ITGA2: variants seen among roughly 807,000 people sequenced by gnomAD.
The protein encoded by ITGA2 is integrin alpha-2.
A neutral mutation model predicts 146.3 loss-of-function variants in ITGA2; 101 were observed. That is an observed-to-expected ratio of 0.69 (90% CI 0.59 to 0.81). ITGA2 has a LOEUF of 0.81. ITGA2 is among the 40% of genes least tolerant of loss of function. The pLI is 0.00. For synonymous variants in ITGA2, 477 were observed against 487.1 expected, an observed-to-expected ratio of 0.98 and a Z score of 0.27; for missense variants, 1,281 against 1,402.7, an observed-to-expected ratio of 0.91 and a Z score of 1.39.
intron 1 of ITGA2, among the ~76,000 whole-genome samples, chr5:52,996,214 A>G (rs1741241828): frequency 6.6e-6 from 1 of 152,162 alleles, no homozygotes; most frequent in Non-Finnish European, 1.5e-5. Flanking sequence ...AAATTATTAT[A>G]AGGAGATTTT....
In ITGA2 at chr5:53,033,833, G is replaced by T. The variant is rs920344152; in HGVS notation, c.185+6965G>T. Among the ~76,000 whole-genome samples the T allele has an allele frequency of 8.6e-5, 13 of 150,538 alleles. 1 individual carries two copies. Among genetic ancestry groups the T allele is most frequent in the Non-Finnish European group, 1.6e-4 (11 of 67,800 alleles). ...GGATGGAGTGCAGTAGGGCAATCTC[G>T]GCTCACTGCAAGCTCCGCCTCCTGG... On this transcript the variant is annotated intron_variant, in intron 2 of 29. Transcript: ENST00000296585.
rs369305802 is a variant in ITGA2, at chr5:52,989,445, T to C, written c.-24T>C. The C allele has an allele frequency of 2.5e-6, 4 of 1,613,604 alleles. No individual in the cohort carries two copies. In the African/African-American group the frequency reaches 5.3e-5, roughly 22 times the overall value. On this transcript the variant is annotated 5_prime_UTR_variant, in exon 1 of 30. Transcript: ENST00000296585. ...CAAACCTCTGCAAACCCAGCGCAACTACGGTCCCCCGGTCAGACCCAGGAT... is the reference window on the plus strand; with the variant it reads ...CAAACCTCTGCAAACCCAGCGCAACCACGGTCCCCCGGTCAGACCCAGGAT...
At chr5:53,085,592 A>G (rs1323231282) in intron 27 of ITGA2, among the ~76,000 whole-genome samples, 1 of 152,214 alleles carries the variant, frequency 6.6e-6, no homozygotes, top group East Asian at 1.9e-4. Flanking sequence ...GAGACTGGTG[A>G]GCATGGTTAA....
At chr5:53,064,309 C>T (rs920629872) in intron 13 of ITGA2, among the ~76,000 whole-genome samples, 53 of 151,844 alleles carry the variant, frequency 3.5e-4, no homozygotes, top group African/African-American at 1.2e-3. Flanking sequence ...AGATGAAGAT[C>T]GTATTATTGA....
Position 53,034,962 on chromosome 5 carries a change from C to A in ITGA2, c.186-7150C>A, listed in dbSNP as rs10063405. The stretch of plus-strand genomic sequence containing the variant: ...ATATAGGTTTTGCTTTCACTTAGAC[C>A]CTTGAAGTCAGTTTCTTTAAATGAA... On this transcript the variant is annotated intron_variant, in intron 2 of 29. Coordinates refer to ENST00000296585, the MANE Select transcript of ITGA2 (RefSeq NM_002203.4). Among the ~76,000 whole-genome samples, 1,279 of 152,156 alleles carry A rather than the reference C, an allele frequency of 8.4e-3. 24 individuals are homozygous for A. Among genetic ancestry groups the A allele is most frequent in the African/African-American group, 0.029 (1,218 of 41,510 alleles).
chr5:53,072,249 T>C (rs1299739745), intron 18 of ITGA2, among the ~76,000 whole-genome samples: 2 of 151,950 alleles, frequency 1.3e-5, no homozygotes, highest in Admixed American at 1.3e-4. Context: ...ACTGCTGTGT[T>C]TCCACTCCCT....
intron 20 of ITGA2, 76 bp from the exon 21 acceptor site, chr5:53,074,309 C>A (rs1745548383): frequency 2.6e-6 from 3 of 1,146,930 alleles, no homozygotes; most frequent in Admixed American, 3.5e-5. Context: ...CACTGTACCT[C>A]TTTTACCAGG....
At chr5:53,069,154 CAAAT>C (rs1292669816) in intron 16 of ITGA2, among the ~76,000 whole-genome samples, 2 of 151,738 alleles carry the variant, frequency 1.3e-5, no homozygotes, top group Non-Finnish European at 2.9e-5. Context: ...AGAATAACCC[CAAAT>C]AAGGCAATAA....
intron 9 of ITGA2, 35 bp downstream of exon 9, chr5:53,056,184 CA>C: frequency 6.3e-7 from 1 of 1,576,014 alleles, no homozygotes; most frequent in Non-Finnish European, 8.7e-7. Context: ...GAATTTTCTT[CA>C]AAATGTTTAA....
At chr5:53,070,344 G>A in intron 17 of ITGA2, 84 bp downstream of exon 17, 1 of 1,353,450 alleles carries the variant, frequency 7.4e-7, no homozygotes, top group Non-Finnish European at 1.1e-6. Flanking sequence ...AAGCTTATGA[G>A]TTAGAAAATG....
Position 53,081,640 on chromosome 5 carries a change from C to T in ITGA2, c.3088C>T (p.Gln1030Ter), listed in dbSNP as rs765089778. 2 of 1,613,232 alleles carry T rather than the reference C, an allele frequency of 1.2e-6. No individual in the cohort carries two copies. Among genetic ancestry groups the T allele is most frequent in the Non-Finnish European group, 1.7e-6 (2 of 1,179,640 alleles). Residue 1030 changes from glutamine to a stop codon, truncating the protein, a stop_gained, in exon 26 of 30, where the codon CAA (glutamine) becomes TAA (stop). Coordinates refer to ENST00000296585, the MANE Select transcript of ITGA2 (RefSeq NM_002203.4). LOFTEE classifies it high-confidence loss of function. Reference protein sequence around the residue: ...NADINPLKIGQTSSSVSFKSE... With the variant: ...NADINPLKIG ...AGATATCAATCCACTGAAAATAGGACAAACATCTTCTTCTGTATCTTTCAA... is the reference window on the plus strand; with the variant it reads ...AGATATCAATCCACTGAAAATAGGATAAACATCTTCTTCTGTATCTTTCAA...
At chr5:53,088,507 G>A (rs1200451725) in intron 28 of ITGA2, among the ~76,000 whole-genome samples, 1 of 151,998 alleles carries the variant, frequency 6.6e-6, no homozygotes, top group Non-Finnish European at 1.5e-5. Context: ...CCAACATAGT[G>A]AAAACCTGTC....
chr5:53,038,318 C>T (rs369623473), intron 2 of ITGA2, among the ~76,000 whole-genome samples: 85 of 152,130 alleles, frequency 5.6e-4, no homozygotes, highest in African/African-American at 1.8e-3. Context: ...ATAATAGAAT[C>T]ACCTGAATTT....
chr5:53,090,405 A>G (rs1019384640), intron 29 of ITGA2, 114 bp from the exon 30 acceptor site: 2 of 853,782 alleles, frequency 2.3e-6, no homozygotes, highest in Non-Finnish European at 4.0e-6. Context: ...ACCTCCCTTC[A>G]GAGCCTCAGG....
intron 26 of ITGA2, 75 bp from the exon 27 acceptor site, chr5:53,083,264 GC>G: frequency 1.1e-6 from 1 of 917,796 alleles, no homozygotes; most frequent in Non-Finnish European, 1.8e-6. Context: ...GTTTTATCTA[GC>G]TTTAAAATTT....
chr5:53,000,885 C>CTTT (rs1741543458), intron 1 of ITGA2, among the ~76,000 whole-genome samples: 1 of 116,440 alleles, frequency 8.6e-6, no homozygotes, highest in South Asian at 2.7e-4. Context: ...TCTTTTTTTT[C>CTTT]TTTTTCTTTT....
At position 53,048,716 on chromosome 5, in the gene ITGA2, G is replaced by A. The variant is rs1032422182; in HGVS notation, c.576G>A (p.Lys192=). The A allele has an allele frequency of 1.2e-6, 2 of 1,613,986 alleles. No homozygotes were observed. The highest frequency in any genetic ancestry group is 2.2e-5 in the East Asian group (1 of 44,870). Residue 192 remains lysine, a synonymous_variant, in exon 6 of 30, where the codon AAG becomes AAA. Coordinates refer to ENST00000296585, the MANE Select transcript of ITGA2 (RefSeq NM_002203.4). ...SNSIYPWDAV[K]NFLEKFVQGL... The stretch of plus-strand genomic sequence containing the variant: ...GTATTTATCCTTGGGATGCAGTAAA[G>A]AATTTTTTGGAAAAATTTGTACAAG...
chr5:53,037,409 G>A (rs1262705019), intron 2 of ITGA2, among the ~76,000 whole-genome samples: 5 of 152,150 alleles, frequency 3.3e-5, no homozygotes, highest in Non-Finnish European at 5.9e-5. Context: ...AAGAGGTTTC[G>A]CCATACTTCA....
intron 1 of ITGA2, among the ~76,000 whole-genome samples, chr5:53,017,252 ATGGGTTGTTTT>A: frequency 6.6e-6 from 1 of 152,026 alleles, no homozygotes; most frequent in Non-Finnish European, 1.5e-5. Flanking sequence ...TACTTTTTGG[ATGGGTTGTTTT>A]TTGCTTTTAT....
Sources: gnomAD v4.1 joint callset for allele counts (sites outside exome capture counted in the v4.1 genomes callset) on GRCh38, gnomAD v4.1.1 for gene constraint, MANE v1.5 for transcripts, NCBI Gene and HGNC (gene_info 2026-07-23, HGNC 2026-07-21) for gene names.